DIP2B: variants seen among roughly 807,000 people sequenced by gnomAD.
DIP2B encodes DIP2 acetate--CoA ligase B (putative).
DIP2B carries 76 observed loss-of-function variants against 198.0 expected under a neutral mutation model. The observed-to-expected ratio is 0.38, with a 90% confidence interval of 0.32 to 0.46. The LOEUF (loss-of-function observed/expected upper bound fraction) is 0.46, where lower values mean the gene tolerates loss of function less well. Ranked by LOEUF, DIP2B falls within the 20% of genes least tolerant of loss-of-function variation. The probability of loss-of-function intolerance (pLI) is 0.99; values close to 1 mark genes in which losing one functional copy is unlikely to be tolerated. For synonymous variants in DIP2B, 701 were observed against 739.1 expected (o/e 0.95, Z 0.84); for missense variants, 1,559 against 1,978.4 (o/e 0.79, Z 4.02).
At position 50,605,110 on chromosome 12, in the gene DIP2B, C is replaced by T. The variant is rs959066778; in HGVS notation, c.101-20866C>T. On this transcript the variant is annotated intron_variant, in intron 1 of 37. Transcript: ENST00000301180. ...AGATGACAGTGTCTTTTGAACACCC[C>T]GATTTGATTTATTAAACTTTAGATG... Among the ~76,000 whole-genome samples the T allele has an allele frequency of 5.3e-5, 8 of 152,012 alleles. No homozygotes were observed. In the South Asian group the frequency reaches 6.2e-4, roughly 12 times the overall value.
chr12:50,604,198 G>A (rs1225070011), intron 1 of DIP2B, among the ~76,000 whole-genome samples: 1 of 136,826 alleles, frequency 7.3e-6, no homozygotes, highest in Non-Finnish European at 1.5e-5. Flanking sequence ...CCTTTAAATA[G>A]CAAACTCTTT....
intron 1 of DIP2B, among the ~76,000 whole-genome samples, chr12:50,609,591 C>G (rs1049877195): frequency 6.6e-6 from 1 of 152,218 alleles, no homozygotes; most frequent in African/African-American, 2.4e-5. Flanking sequence ...TACACCCATT[C>G]CATTTAAGAG....
chr12:50,590,010 C>G (rs11503906), intron 1 of DIP2B, among the ~76,000 whole-genome samples: 1 of 152,034 alleles, frequency 6.6e-6, no homozygotes, highest in Non-Finnish European at 1.5e-5. Context: ...CTTTCTCTGT[C>G]TCTCTCTGAG....
At chr12:50,623,406 C>G (rs1031752745) in intron 1 of DIP2B, among the ~76,000 whole-genome samples, 1 of 62,362 alleles carries the variant, frequency 1.6e-5, no homozygotes, top group South Asian at 6.0e-4. Flanking sequence ...CACACACACA[C>G]ACACACACAC....
intron 1 of DIP2B, among the ~76,000 whole-genome samples, chr12:50,529,264 C>T (rs181124701): frequency 1.3e-5 from 2 of 152,242 alleles, no homozygotes; most frequent in African/African-American, 4.8e-5. Flanking sequence ...GCAACTCTTG[C>T]CTGTACGACA....
chr12:50,737,632 G>A (rs975527301), intron 35 of DIP2B, among the ~76,000 whole-genome samples: 3 of 152,000 alleles, frequency 2.0e-5, no homozygotes, highest in African/African-American at 7.3e-5. Context: ...ATTTGAGACA[G>A]TCTCACTCTG....
At chr12:50,719,776 G>A (rs1293851946) in intron 25 of DIP2B, among the ~76,000 whole-genome samples, 1 of 151,450 alleles carries the variant, frequency 6.6e-6, no homozygotes, top group African/African-American at 2.4e-5. Context: ...GGGAGGCGGA[G>A]GTTGCAGTGA....
intron 1 of DIP2B, among the ~76,000 whole-genome samples, chr12:50,520,467 A>T (rs1412351264): frequency 6.6e-6 from 1 of 152,186 alleles, no homozygotes; most frequent in African/African-American, 2.4e-5. Context: ...TTCATGATTT[A>T]TTTGACTTCC....
At chr12:50,739,285 A>T in intron 35 of DIP2B, 124 bp from the exon 36 acceptor site, 2 of 1,065,442 alleles carry the variant, frequency 1.9e-6, no homozygotes, top group Admixed American at 5.3e-5. Flanking sequence ...AGCTGCCTTT[A>T]TTGATGCAGT....
At chr12:50,518,136 A>G (rs1958082393) in intron 1 of DIP2B, among the ~76,000 whole-genome samples, 1 of 152,114 alleles carries the variant, frequency 6.6e-6, no homozygotes, top group Non-Finnish European at 1.5e-5. Context: ...CATTTCCCAT[A>G]AGGTAGCATT....
At chr12:50,623,410 C>A (rs1937855039) in intron 1 of DIP2B, among the ~76,000 whole-genome samples, 1 of 83,436 alleles carries the variant, frequency 1.2e-5, no homozygotes, top group South Asian at 4.2e-4. Flanking sequence ...CACACACACA[C>A]ACACACACAC....
At position 50,543,277 on chromosome 12, in the gene DIP2B, GT is replaced by G. The variant is rs200726349; in HGVS notation, c.100+38048del. On this transcript the variant is annotated intron_variant, in intron 1 of 37. Coordinates refer to ENST00000301180, the MANE Select transcript of DIP2B (RefSeq NM_173602.3). ...CAATGTCTTATGCCAAGCTGTTAAA[GT>G]TTTTTTTTTTCCCCCTTTTTTATTT... Among the ~76,000 whole-genome samples, 1,065 of 147,348 alleles carry G rather than the reference GT, an allele frequency of 7.2e-3. 10 individuals are homozygous for G. Among genetic ancestry groups the G allele is most frequent in the South Asian group, 0.02 (94 of 4,590 alleles).
At chr12:50,637,871 A>G (rs544442511) in intron 2 of DIP2B, among the ~76,000 whole-genome samples, 21 of 152,306 alleles carry the variant, frequency 1.4e-4, no homozygotes, top group African/African-American at 4.8e-4. Flanking sequence ...TTGCTACTAA[A>G]TACCATTTTT....
intron 1 of DIP2B, among the ~76,000 whole-genome samples, chr12:50,568,331 TG>T: frequency 1.3e-5 from 2 of 152,332 alleles, no homozygotes; most frequent in Admixed American, 1.3e-4. Context: ...TCCTCATTCT[TG>T]GGCTCCTAGG....
intron 3 of DIP2B, 116 bp downstream of exon 3, chr12:50,640,968 T>C: frequency 4.9e-6 from 6 of 1,229,626 alleles, no homozygotes; most frequent in Non-Finnish European, 5.5e-6. Context: ...ACCAACAGTT[T>C]TATATTAACT....
intron 21 of DIP2B, 116 bp downstream of exon 21, chr12:50,706,781 G>A: frequency 8.2e-7 from 1 of 1,223,958 alleles, no homozygotes; most frequent in South Asian, 1.8e-5. Context: ...GATTGTTTTT[G>A]TTAAGCATTG....
chr12:50,742,747 T>C (rs1430652474), intron 37 of DIP2B, among the ~76,000 whole-genome samples: 5 of 152,062 alleles, frequency 3.3e-5, no homozygotes, highest in African/African-American at 1.2e-4. Context: ...AATACAAAAA[T>C]TAGCTGGACG....
intron 1 of DIP2B, among the ~76,000 whole-genome samples, chr12:50,620,475 G>A (rs1010530758): frequency 1.3e-5 from 2 of 152,204 alleles, no homozygotes; most frequent in Admixed American, 1.3e-4. Flanking sequence ...CTCACAGCGT[G>A]TGGGTCGCAG....
In DIP2B at chr12:50,619,936, A is replaced by G. The variant is rs1593661273; in HGVS notation, c.101-6040A>G. ...ATTAGCTGGGTGTGATAGCACACCC[A>G]TCTGGTCCCAGATACTCAGGAGGCT... is the stretch of plus-strand genomic sequence containing the variant. On this transcript the variant is annotated intron_variant, in intron 1 of 37. Coordinates refer to ENST00000301180, the MANE Select transcript of DIP2B (RefSeq NM_173602.3). Among the ~76,000 whole-genome samples, 5 of 152,260 alleles carry G rather than the reference A, an allele frequency of 3.3e-5. No homozygotes were observed. In the East Asian group the frequency reaches 5.8e-4, roughly 18 times the overall value.
Sources: allele counts gnomAD v4.1 joint callset (sites outside exome capture counted in the v4.1 genomes callset), GRCh38; gene constraint gnomAD v4.1.1; transcripts MANE v1.5; gene names NCBI Gene and HGNC (gene_info 2026-07-23, HGNC 2026-07-21).